Variants in CHST9 observed in about 807,000 individuals in gnomAD.
CHST9 encodes GalNAc-4-sulfotransferase 2.
A neutral mutation model predicts 44.4 loss-of-function variants in CHST9; 41 were observed. The ratio of observed to expected loss-of-function variants is 0.92; its 90% CI spans 0.72 to 1.20. The LOEUF (loss-of-function observed/expected upper bound fraction) is 1.20, where lower values mean the gene tolerates loss of function less well. Ranked by LOEUF, CHST9 falls within the 50% of genes most tolerant of loss-of-function variation. CHST9 has a pLI of 0.00. For missense variants in CHST9, 504 were observed against 516.5 expected (o/e 0.98, Z 0.23); for synonymous variants, 171 against 178.4 (o/e 0.96, Z 0.33).
chr18:27,056,308 C>T (rs1399850454), intron 2 of CHST9, among the ~76,000 whole-genome samples: 2 of 152,086 alleles, frequency 1.3e-5, no homozygotes, highest in Non-Finnish European at 2.9e-5. Context: ...AAGGCAGGCT[C>T]AGAATCTTTT....
chr18:26,979,584 A>G (rs1004158375), intron 4 of CHST9, among the ~76,000 whole-genome samples: 2 of 151,764 alleles, frequency 1.3e-5, no homozygotes, highest in South Asian at 2.1e-4. Context: ...CATTCTAATG[A>G]CATGTTTCTG....
intron 2 of CHST9, among the ~76,000 whole-genome samples, chr18:27,131,859 CAG>C (rs1222148150): frequency 8.5e-5 from 13 of 152,374 alleles, no homozygotes; most frequent in African/African-American, 2.6e-4. Context: ...AAATTTTACA[CAG>C]AGTCTTACTG....
rs189828232 is a variant in CHST9 at position 27,088,452 on chromosome 18, T to C, written c.122-39949A>G. On this transcript the variant is annotated intron_variant, in intron 2 of 5. Coordinates refer to ENST00000618847, the MANE Select transcript of CHST9 (RefSeq NM_031422.6). ...GCTCTGTCGGCAGGCTGGAGTGCAG[T>C]GGCGCGATCTCGGCTCACTGCAACC... 2.6e-5 allele frequency among the ~76,000 whole-genome samples: 4 copies of C among 151,248 alleles called. No individual in the cohort carries two copies. The East Asian group carries it at 7.8e-4, about 30-fold the overall frequency.
chr18:27,149,102 GTTGT>G (rs376231982), intron 1 of CHST9, among the ~76,000 whole-genome samples: 2,898 of 128,818 alleles, frequency 0.022, 443 homozygotes, highest in Middle Eastern at 0.091. Flanking sequence ...TTTTGATGGG[GTTGT>G]TTGTTTTTTT....
At chr18:27,000,905 C>A (rs74689581) in intron 4 of CHST9, among the ~76,000 whole-genome samples, 1 of 152,150 alleles carries the variant, frequency 6.6e-6, no homozygotes, top group Non-Finnish European at 1.5e-5. Flanking sequence ...CCCCCCATCT[C>A]TGAATTGTCT....
At chr18:26,955,252 T>C (rs966790125) in intron 4 of CHST9, among the ~76,000 whole-genome samples, 1 of 150,408 alleles carries the variant, frequency 6.6e-6, no homozygotes, top group Non-Finnish European at 1.5e-5. Context: ...ATTTTACACA[T>C]CTATACCATC....
intron 4 of CHST9, among the ~76,000 whole-genome samples, chr18:26,975,649 G>GTATA (rs36030325): frequency 0.056 from 7,149 of 126,686 alleles, 308 homozygotes; most frequent in African/African-American, 0.11. Flanking sequence ...ATGTATGTGT[G>GTATA]TATATATATA....
At chr18:27,107,622 TTA>T (rs1328814992) in intron 2 of CHST9, among the ~76,000 whole-genome samples, 1 of 152,170 alleles carries the variant, frequency 6.6e-6, no homozygotes, top group Non-Finnish European at 1.5e-5. Flanking sequence ...CAAGCATCTG[TTA>T]ACAGCTCTGG....
intron 2 of CHST9, among the ~76,000 whole-genome samples, chr18:27,101,489 G>A (rs368371065): frequency 6.8e-6 from 1 of 147,548 alleles, no homozygotes; most frequent in South Asian, 2.1e-4. Flanking sequence ...GCTACTGGCG[G>A]GGGTGAGGGT....
In CHST9 at chr18:26,911,202, A is replaced by G. The variant is rs1020859993; in HGVS notation, c.*5057T>C. Reference sequence around the variant, plus strand: ...AGTTGTACAGGAACCTTTAAACAACAGCATCAAAAGCATCTGTTAAAGTAA... The same window carrying G: ...AGTTGTACAGGAACCTTTAAACAACGGCATCAAAAGCATCTGTTAAAGTAA... On this transcript the variant is annotated 3_prime_UTR_variant, in exon 6 of 6. Coordinates refer to ENST00000618847, the MANE Select transcript of CHST9 (RefSeq NM_031422.6). The G allele has an allele frequency of 6.6e-6, 1 of 152,236 alleles. No individual in the cohort carries two copies. The allele number at this position is 152,236 out of a possible 1,614,324, so 9.4% of individuals were successfully genotyped here.
At chr18:27,123,378 C>T (rs376280496) in intron 2 of CHST9, among the ~76,000 whole-genome samples, 2 of 152,222 alleles carry the variant, frequency 1.3e-5, no homozygotes, top group East Asian at 3.9e-4. Context: ...CTTCTTTTTC[C>T]CAACACACCA....
At chr18:27,178,564 C>T (rs557616933) in intron 1 of CHST9, among the ~76,000 whole-genome samples, 43 of 152,080 alleles carry the variant, frequency 2.8e-4, no homozygotes, top group African/African-American at 1.0e-3. Context: ...CTCTCAATTT[C>T]CTCCTTGCTT....
chr18:27,091,786 G>T (rs954133517), intron 2 of CHST9, among the ~76,000 whole-genome samples: 1 of 152,180 alleles, frequency 6.6e-6, no homozygotes, highest in Non-Finnish European at 1.5e-5. Context: ...TTGCATTCCA[G>T]GGATGAAGCC....
At chr18:26,995,783 A>G (rs2056881181) in intron 4 of CHST9, among the ~76,000 whole-genome samples, 1 of 152,236 alleles carries the variant, frequency 6.6e-6, no homozygotes, top group Non-Finnish European at 1.5e-5. Flanking sequence ...CAAACCTGAA[A>G]AGAAAGACTG....
intron 2 of CHST9, among the ~76,000 whole-genome samples, chr18:27,112,597 G>GTGTGTGTT (rs1382319355): frequency 2.3e-4 from 34 of 150,506 alleles, no homozygotes; most frequent in African/African-American, 8.1e-4. Flanking sequence ...GTGTGTGTGT[G>GTGTGTGTT]TGTGTGTGTG....
chr18:26,907,260 GA>G lies in CHST9; in HGVS notation c.*8998del, dbSNP rs2055382860. ...TGTGGCTGTGAGGAGTCAGCTTAGGGAGAAATCGGGGTTGACTTCTAGGTTC... is the reference window on the plus strand; with the variant it reads ...TGTGGCTGTGAGGAGTCAGCTTAGGGGAAATCGGGGTTGACTTCTAGGTTC... On this transcript the variant is annotated 3_prime_UTR_variant, in exon 6 of 6. Transcript: ENST00000618847. 1 of 152,712 alleles carries G rather than the reference GA, an allele frequency of 6.5e-6. No homozygotes were observed. The highest frequency in any genetic ancestry group is 1.5e-5 in the Non-Finnish European group (1 of 68,110). 9.5% of individuals were successfully genotyped at this position (152,712 alleles called of 1,614,324 possible). A position where few individuals can be genotyped will look rare whatever the true frequency, so the allele number is the denominator to read the frequency against.
At chr18:26,955,317 G>A (rs1430728806) in intron 4 of CHST9, among the ~76,000 whole-genome samples, 1 of 151,664 alleles carries the variant, frequency 6.6e-6, no homozygotes, top group Non-Finnish European at 1.5e-5. Context: ...TGAGGGGAAG[G>A]ACTGAGAGTT....
intron 1 of CHST9, among the ~76,000 whole-genome samples, chr18:27,145,269 G>A (rs111757634): frequency 2.6e-5 from 4 of 152,114 alleles, no homozygotes; most frequent in Admixed American, 6.5e-5. Context: ...TTGGCTCGCC[G>A]CAACCTCCAC....
chr18:26,941,449 G>A (rs2056080847), intron 5 of CHST9, among the ~76,000 whole-genome samples: 1 of 151,880 alleles, frequency 6.6e-6, no homozygotes, highest in Non-Finnish European at 1.5e-5. Context: ...TTTACATTTA[G>A]TTTTCCCATT....
Sources: gnomAD v4.1 joint callset for allele counts (sites outside exome capture counted in the v4.1 genomes callset) on GRCh38, gnomAD v4.1.1 for gene constraint, MANE v1.5 for transcripts, NCBI Gene and HGNC (gene_info 2026-07-23, HGNC 2026-07-21) for gene names.